The following FOXP1 variants were observed in gnomAD, a reference collection of about 807,000 sequenced individuals.
FOXP1 encodes forkhead box protein P1.
In FOXP1, 15 loss-of-function variants were observed where a neutral mutation model predicts 98.2. The ratio of observed to expected loss-of-function variants is 0.15; its 90% CI spans 0.10 to 0.24. The LOEUF (loss-of-function observed/expected upper bound fraction) is 0.24, where lower values mean the gene tolerates loss of function less well. Ranked by LOEUF, FOXP1 falls within the 10% of genes least tolerant of loss-of-function variation. The pLI, the probability that FOXP1 is intolerant of heterozygous loss-of-function variation, is 1.00. For missense variants in FOXP1, 633 were observed against 848.5 expected (o/e 0.75, Z 3.15); for synonymous variants, 371 against 314.5 (o/e 1.18, Z -1.90).
chr3:71,132,770 T>C (rs1364122000), intron 6 of FOXP1, among the ~76,000 whole-genome samples: 1 of 152,204 alleles, frequency 6.6e-6, no homozygotes, highest in African/African-American at 2.4e-5. Flanking sequence ...AGTTTAGCAT[T>C]TGCCTTGTGC....
At chr3:71,561,754 A>C (rs1478682610) in intron 2 of FOXP1, among the ~76,000 whole-genome samples, 1 of 152,210 alleles carries the variant, frequency 6.6e-6, no homozygotes, top group East Asian at 1.9e-4. Flanking sequence ...ATCAAATTCT[A>C]TCCCATGAAA....
rs559730573 is a variant in FOXP1 at position 71,001,291 on chromosome 3, G to A, written c.975-232C>T. ...CTTCCAGGGAGAAGTTCTGCAGGGC[G>A]TCTGGAGATAACCATTTACACATAA... On this transcript the variant is annotated intron_variant, in intron 12 of 20. Transcript: ENST00000649528. Among the ~76,000 whole-genome samples the A allele has an allele frequency of 5.9e-5, 9 of 152,246 alleles. 1 individual carries two copies. Among genetic ancestry groups the A allele is most frequent in the East Asian group, 3.9e-4 (2 of 5,184 alleles).
chr3:71,056,918 T>C (rs1032950462), intron 7 of FOXP1, among the ~76,000 whole-genome samples: 15 of 152,206 alleles, frequency 9.9e-5, no homozygotes, highest in African/African-American at 3.4e-4. Context: ...AACTTTTTCA[T>C]GTAGCTAGTC....
intron 6 of FOXP1, among the ~76,000 whole-genome samples, chr3:71,143,805 C>T (rs578085510): frequency 1.7e-4 from 26 of 152,280 alleles, no homozygotes; most frequent in East Asian, 5.8e-4. Context: ...GTAAGTGTTA[C>T]GACGATTACT....
chr3:71,494,924 AAAAAAAGAAAAG>A (rs369948831), intron 2 of FOXP1, among the ~76,000 whole-genome samples: 2 of 152,214 alleles, frequency 1.3e-5, no homozygotes, highest in African/African-American at 4.8e-5. Context: ...ATAGAAAAAA[AAAAAAAGAAAAG>A]AAAAAAGAAA....
intron 3 of FOXP1, among the ~76,000 whole-genome samples, chr3:71,467,627 CT>C (rs2088909193): frequency 6.6e-6 from 1 of 152,128 alleles, no homozygotes; most frequent in Non-Finnish European, 1.5e-5. Context: ...AAAAACTTTC[CT>C]TTTCCTGAGC....
rs529883536 is a variant in FOXP1 at position 71,270,974 on chromosome 3, T to C, written c.-12+28846A>G. ...AGCTGGGTGTGGTGGCTCACGCCTG[T>C]AATTCCAGCACTTTGGGAGGCCAAG... On this transcript the variant is annotated intron_variant, in intron 5 of 20. Transcript: ENST00000649528. Among the ~76,000 whole-genome samples, 260 of 152,362 alleles carry C rather than the reference T, an allele frequency of 1.7e-3. 1 individual carries two copies. The highest frequency in any genetic ancestry group is 6.0e-3 in the African/African-American group (249 of 41,594).
At chr3:71,131,788 G>A (rs765773946) in intron 6 of FOXP1, among the ~76,000 whole-genome samples, 2 of 152,190 alleles carry the variant, frequency 1.3e-5, no homozygotes, top group African/African-American at 2.4e-5. Context: ...TGTCGCCTGA[G>A]TATTACAATA....
chr3:71,261,427 G>T (rs1486520153), intron 5 of FOXP1, among the ~76,000 whole-genome samples: 1 of 151,318 alleles, frequency 6.6e-6, no homozygotes, highest in Non-Finnish European at 1.5e-5. Context: ...ACATAAAATT[G>T]AGCAAACTGG....
chr3:71,221,371 G>GAAGACTTAGAAGGGAGTTTCA (rs2065367884), intron 5 of FOXP1, among the ~76,000 whole-genome samples: 1 of 152,212 alleles, frequency 6.6e-6, no homozygotes, highest in Admixed American at 6.5e-5. Context: ...GAGAGTGACA[G>GAAGACTTAGAAGGGAGTTTCA]AAGACTTAGA....
At chr3:70,979,041 A>T (rs979270972) in intron 14 of FOXP1, among the ~76,000 whole-genome samples, 3 of 152,032 alleles carry the variant, frequency 2.0e-5, no homozygotes, top group Non-Finnish European at 2.9e-5. Context: ...CTGAGGTGGG[A>T]GGATCTCTTG....
intron 3 of FOXP1, among the ~76,000 whole-genome samples, chr3:71,363,596 G>T (rs990617948): frequency 1.3e-5 from 2 of 152,178 alleles, no homozygotes; most frequent in Non-Finnish European, 2.9e-5. Flanking sequence ...CTTCCCAGGG[G>T]ACTTGTTGGA....
At chr3:71,425,553 G>A (rs897363141) in intron 3 of FOXP1, among the ~76,000 whole-genome samples, 24 of 152,100 alleles carry the variant, frequency 1.6e-4, no homozygotes, top group Non-Finnish European at 2.6e-4. Context: ...GTGTATAACC[G>A]TCTCCTCAGC....
intron 2 of FOXP1, chr3:71,570,599 T>A (rs1365024530): frequency 6.6e-6 from 1 of 152,214 alleles, no homozygotes. Flanking sequence ...TACAGAGGGA[T>A]CCAGCATAAT....
chr3:71,312,141 T>C (rs1046775577), intron 4 of FOXP1, among the ~76,000 whole-genome samples: 4 of 152,178 alleles, frequency 2.6e-5, no homozygotes, highest in African/African-American at 7.2e-5. Flanking sequence ...AAGGGACACT[T>C]AATGGAAGCC....
intron 7 of FOXP1, among the ~76,000 whole-genome samples, chr3:71,057,492 A>T (rs1167521660): frequency 6.6e-6 from 1 of 150,482 alleles, no homozygotes; most frequent in East Asian, 1.9e-4. Flanking sequence ...AAAATTTCCG[A>T]TACTGTAACT....
At chr3:71,279,769 A>G (rs1442852238) in intron 5 of FOXP1, among the ~76,000 whole-genome samples, 1 of 152,166 alleles carries the variant, frequency 6.6e-6, no homozygotes, top group Non-Finnish European at 1.5e-5. Flanking sequence ...AAAGTAGGAA[A>G]AATGTAGCAT....
At chr3:71,531,270 C>T (rs774721849) in intron 2 of FOXP1, among the ~76,000 whole-genome samples, 2 of 152,194 alleles carry the variant, frequency 1.3e-5, no homozygotes, top group African/African-American at 2.4e-5. Context: ...ACAAAGGTAA[C>T]GCTGCCCAAG....
chr3:71,186,398 G>A (rs979234885), intron 6 of FOXP1, among the ~76,000 whole-genome samples: 1 of 152,222 alleles, frequency 6.6e-6, no homozygotes, highest in African/African-American at 2.4e-5. Context: ...TCCAGAAATT[G>A]TGAAACAAAG....
Sources: allele counts gnomAD v4.1 joint callset (sites outside exome capture counted in the v4.1 genomes callset), GRCh38; gene constraint gnomAD v4.1.1; transcripts MANE v1.5; gene names NCBI Gene and HGNC (gene_info 2026-07-23, HGNC 2026-07-21).